The following SEC22A variants were observed in gnomAD, a reference collection of about 807,000 sequenced individuals.
The protein encoded by SEC22A is SEC22 homolog A, vesicle trafficking protein, also known as vesicle-trafficking protein SEC22a.
In SEC22A, 22 loss-of-function variants were observed where a neutral mutation model predicts 35.3. The observed-to-expected ratio is 0.62, with a 90% CI of 0.45 to 0.89. The LOEUF is 0.89. Among genes scored for constraint, SEC22A ranks in the 40% least tolerant of loss-of-function variants. The pLI is 0.00. For synonymous variants in SEC22A, 119 were observed against 129.5 expected (o/e 0.92, Z 0.55); for missense variants, 354 against 362.5 (o/e 0.98, Z 0.19).
chr3:123,233,678 G>A (rs1467312793), intron 4 of SEC22A, among the ~76,000 whole-genome samples: 3 of 151,278 alleles, frequency 2.0e-5, no homozygotes, highest in Admixed American at 6.6e-5. Flanking sequence ...CAACAAACTA[G>A]GAATAGAAGG....
chr3:123,206,010 CTT>C (rs1936845376), intron 1 of SEC22A, among the ~76,000 whole-genome samples: 1 of 152,178 alleles, frequency 6.6e-6, no homozygotes, highest in Non-Finnish European at 1.5e-5. Context: ...TAAAGAATAA[CTT>C]TGAAGACTAC....
intron 5 of SEC22A, among the ~76,000 whole-genome samples, chr3:123,256,829 G>A (rs1361049193): frequency 6.9e-6 from 1 of 144,244 alleles, no homozygotes; most frequent in African/African-American, 2.6e-5. Context: ...GCGCAGTCTC[G>A]GCTCACTGCA....
intron 1 of SEC22A, among the ~76,000 whole-genome samples, chr3:123,206,754 A>G (rs1434013120): frequency 1.3e-5 from 2 of 152,202 alleles, no homozygotes; most frequent in African/African-American, 4.8e-5. Flanking sequence ...ACTCCACTGT[A>G]GTAAAAAGAC....
chr3:123,228,576 CAAAAAAA>C (rs528536258), intron 4 of SEC22A, among the ~76,000 whole-genome samples: 1 of 83,066 alleles, frequency 1.2e-5, no homozygotes, highest in Non-Finnish European at 2.6e-5. Flanking sequence ...AACTCCATCT[CAAAAAAA>C]AAAAAAAAAA....
intron 1 of SEC22A, chr3:123,204,859 G>A (rs1033860142): frequency 2.0e-5 from 3 of 152,144 alleles, no homozygotes; most frequent in Non-Finnish European, 4.4e-5. Flanking sequence ...CTATGGCCCC[G>A]ATAAGCTAAA....
chr3:123,271,388 T>C (rs760647732), intron 6 of SEC22A, 134 bp from the exon 7 acceptor site: 5 of 673,724 alleles, frequency 7.4e-6, no homozygotes, highest in Non-Finnish European at 1.0e-5. Context: ...TATGCTACAT[T>C]ATCTTATCCC....
chr3:123,229,869 A>G lies in SEC22A; in HGVS notation c.541+4572A>G, dbSNP rs557055043. On this transcript the variant is annotated intron_variant, in intron 4 of 6. Coordinates refer to ENST00000492595, the MANE Select transcript of SEC22A (RefSeq NM_012430.5). The stretch of plus-strand genomic sequence containing the variant: ...AGAGCAAGACTTCATCTCAAAAAAA[A>G]AAAATAAATAATAATAATAATGGAA... Among the ~76,000 whole-genome samples the G allele has an allele frequency of 1.9e-4, 27 of 144,802 alleles. No individual in the cohort carries two copies. In the East Asian group the frequency reaches 5.1e-3, roughly 27 times the overall value. The allele number at this position is 144,802 out of a possible 152,430, so 95.0% of individuals were successfully genotyped here.
At chr3:123,262,162 C>G (rs1937907495) in intron 6 of SEC22A, among the ~76,000 whole-genome samples, 1 of 152,080 alleles carries the variant, frequency 6.6e-6, no homozygotes, top group Admixed American at 6.5e-5. Context: ...CTCTTTAGAT[C>G]AGATCTGAAA....
intron 6 of SEC22A, among the ~76,000 whole-genome samples, chr3:123,268,816 C>T (rs769177230): frequency 2.6e-5 from 4 of 152,060 alleles, no homozygotes; most frequent in Admixed American, 6.6e-5. Flanking sequence ...ATTTGATTGT[C>T]GTGTACCTTT....
intron 2 of SEC22A, among the ~76,000 whole-genome samples, chr3:123,216,461 G>A (rs920728736): frequency 1.3e-5 from 2 of 152,152 alleles, no homozygotes; most frequent in African/African-American, 4.8e-5. Flanking sequence ...TTAGGTTACT[G>A]TTGTAAGTTA....
At chr3:123,244,417 T>C (rs1937550317) in intron 4 of SEC22A, among the ~76,000 whole-genome samples, 1 of 152,190 alleles carries the variant, frequency 6.6e-6, no homozygotes, top group East Asian at 1.9e-4. Context: ...TTTATGCCTT[T>C]AAATGTATAG....
intron 4 of SEC22A, 59 bp from the exon 5 acceptor site, chr3:123,245,840 C>G: frequency 1.1e-6 from 1 of 924,594 alleles, no homozygotes; most frequent in Non-Finnish European, 1.7e-6. Flanking sequence ...TCTGTTTTAC[C>G]TAAGTTCATC....
chr3:123,266,888 T>C (rs1419375302), intron 6 of SEC22A, among the ~76,000 whole-genome samples: 1 of 152,172 alleles, frequency 6.6e-6, no homozygotes, highest in African/African-American at 2.4e-5. Context: ...GATTTTTCCA[T>C]TTTGTACTTC....
Position 123,272,675 on chromosome 3 carries a change from G to C in SEC22A, c.*953G>C, listed in dbSNP as rs1285166198. 2.6e-5 allele frequency: 4 copies of C among 153,534 alleles called. No individual in the cohort carries two copies. The highest frequency in any genetic ancestry group is 9.7e-5 in the African/African-American group (4 of 41,438). The allele number at this position is 153,534 out of a possible 1,614,324, so 9.5% of individuals were successfully genotyped here. A position where few individuals can be genotyped will look rare whatever the true frequency, so the allele number is the denominator to read the frequency against. Reference sequence around the variant, plus strand: ...GCTCTTTCTTTGTGGCAGTGAGGGAGATGTTACCAGCACCAGCATGAGGCA... The same window carrying C: ...GCTCTTTCTTTGTGGCAGTGAGGGACATGTTACCAGCACCAGCATGAGGCA... On this transcript the variant is annotated 3_prime_UTR_variant, in exon 7 of 7. Coordinates refer to ENST00000492595, the MANE Select transcript of SEC22A (RefSeq NM_012430.5).
intron 4 of SEC22A, among the ~76,000 whole-genome samples, chr3:123,236,842 C>T (rs528739772): frequency 2.6e-5 from 4 of 151,930 alleles, no homozygotes; most frequent in Admixed American, 1.3e-4. Context: ...CACATATGCA[C>T]GATCTGATAG....
intron 6 of SEC22A, among the ~76,000 whole-genome samples, chr3:123,267,367 T>A (rs1938050438): frequency 6.6e-6 from 1 of 152,108 alleles, no homozygotes; most frequent in South Asian, 2.1e-4. Context: ...TATTTTTTAG[T>A]GTATCTATTT....
chr3:123,225,989 G>A (rs2108050594), intron 4 of SEC22A, among the ~76,000 whole-genome samples: 1 of 152,246 alleles, frequency 6.6e-6, no homozygotes, highest in South Asian at 2.1e-4. Flanking sequence ...TTAATAAAAT[G>A]TCCTCCAGTT....
In SEC22A at chr3:123,225,225, G is replaced by A. The variant is rs918013583; in HGVS notation, c.469G>A (p.Glu157Lys). 16 of 1,613,468 alleles carry A rather than the reference G, an allele frequency of 9.9e-6. No individual in the cohort carries two copies. Among genetic ancestry groups the A allele is most frequent in the African/African-American group, 1.3e-5 (1 of 74,902 alleles). The change falls in exon 4 of 7, where the codon GAA (glutamate) becomes AAA (lysine). Residue 157 changes from glutamate to lysine, a missense_variant. Physicochemically the swap from Glu to Lys is moderately conservative, Grantham distance 56. Transcript: ENST00000492595. The stretch of plus-strand genomic sequence containing the variant: ...GCCTCCTTATCAAATTTCCATGTGC[G>A]AACTGGGGTCAGCCAATGGAGTCAC... Reference protein sequence around the residue: ...LRPPYQISMCELGSANGVTSA... With the variant: ...LRPPYQISMCKLGSANGVTSA...
chr3:123,263,398 G>A (rs1327661487), intron 6 of SEC22A, among the ~76,000 whole-genome samples: 8 of 152,180 alleles, frequency 5.3e-5, no homozygotes, highest in African/African-American at 1.9e-4. Context: ...TTCCATTATG[G>A]GGGCTCCGCC....
Sources: gnomAD v4.1 joint callset for allele counts (sites outside exome capture counted in the v4.1 genomes callset) on GRCh38, gnomAD v4.1.1 for gene constraint, MANE v1.5 for transcripts, NCBI Gene and HGNC (gene_info 2026-07-23, HGNC 2026-07-21) for gene names.